CDH13: variants seen among roughly 807,000 people sequenced by gnomAD.
CDH13 encodes cadherin 13.
A neutral mutation model predicts 63.8 loss-of-function variants in CDH13; 24 were observed. The ratio of observed to expected loss-of-function variants is 0.38; its 90% confidence interval spans 0.27 to 0.53. CDH13 has a LOEUF of 0.53. Ranked by LOEUF, CDH13 falls within the 20% of genes least tolerant of loss-of-function variation. CDH13 has a pLI of 0.85. For missense variants in CDH13, 1,049 were observed against 903.1 expected (o/e 1.16, Z -2.07); for synonymous variants, 503 against 355.3 (o/e 1.42, Z -4.67).
At chr16:83,166,026 G>A (rs1051931997) in intron 4 of CDH13, among the ~76,000 whole-genome samples, 1 of 152,248 alleles carries the variant, frequency 6.6e-6, no homozygotes, top group Admixed American at 6.5e-5. Context: ...AAGTGGAGAT[G>A]TGCATTGTTT....
rs117395214 is a variant in CDH13 at position 82,662,131 on chromosome 16, C to T, written c.45+34994C>T. 4.3e-3 allele frequency among the ~76,000 whole-genome samples: 644 copies of T among 150,270 alleles called. 6 individuals carry two copies. Among genetic ancestry groups the T allele is most frequent in the Middle Eastern group, 0.024 (7 of 286 alleles). ...TAGAATGGAGTATTCTCCATATTCT[C>T]AATGAAGTAAATGCAGATATTCTGG... On this transcript the variant is annotated intron_variant, in intron 1 of 13. Transcript: ENST00000567109.
chr16:83,002,627 G>A (rs1913059042), intron 2 of CDH13, among the ~76,000 whole-genome samples: 1 of 152,206 alleles, frequency 6.6e-6, no homozygotes, highest in African/African-American at 2.4e-5. Flanking sequence ...ATTCAATGTT[G>A]GGTTGTGATC....
intron 8 of CDH13, among the ~76,000 whole-genome samples, chr16:83,663,820 C>T (rs139195745): frequency 1.5e-3 from 234 of 152,190 alleles, no homozygotes; most frequent in Middle Eastern, 3.4e-3. Context: ...GACACCACTC[C>T]GCATCTTCAA....
At position 83,272,976 on chromosome 16, in the gene CDH13, A is replaced by G. The variant is rs959225124; in HGVS notation, c.636+55479A>G. ...TAGTACAGTGAGCTCGGTAAGCACA[A>G]TCTGCTCAGATAACCCAATCTGCAG... On this transcript the variant is annotated intron_variant, in intron 5 of 13. Transcript: ENST00000567109. 1.0e-3 allele frequency among the ~76,000 whole-genome samples: 154 copies of G among 151,998 alleles called. 3 individuals carry two copies. The highest frequency in any genetic ancestry group is 3.6e-3 in the African/African-American group (151 of 41,412).
chr16:83,428,361 C>G (rs2071981918), intron 6 of CDH13, among the ~76,000 whole-genome samples: 1 of 140,332 alleles, frequency 7.1e-6, no homozygotes, highest in African/African-American at 2.7e-5. Context: ...GTTTGACCTC[C>G]ATGGTTAGAT....
chr16:82,785,685 C>G (rs527508283), intron 1 of CDH13, among the ~76,000 whole-genome samples: 1 of 152,208 alleles, frequency 6.6e-6, no homozygotes, highest in African/African-American at 2.4e-5. Context: ...AGGACAATTT[C>G]TTTCCTTTCT....
intron 4 of CDH13, among the ~76,000 whole-genome samples, chr16:83,217,121 T>A (rs544588268): frequency 3.3e-5 from 5 of 152,348 alleles, no homozygotes; most frequent in Admixed American, 1.3e-4. Context: ...ACCCGAGTGC[T>A]GGTAAGCTTC....
intron 8 of CDH13, among the ~76,000 whole-genome samples, chr16:83,617,106 C>G (rs1909348394): frequency 1.3e-5 from 2 of 152,188 alleles, no homozygotes; most frequent in Non-Finnish European, 2.9e-5. Flanking sequence ...CTTGTGGACT[C>G]ACAACCCCTC....
At chr16:83,351,657 T>C (rs2090954078) in intron 6 of CDH13, among the ~76,000 whole-genome samples, 2 of 152,246 alleles carry the variant, frequency 1.3e-5, no homozygotes, top group Admixed American at 1.3e-4. Context: ...TTCACTTTTC[T>C]ACACTTCCAT....
intron 8 of CDH13, among the ~76,000 whole-genome samples, chr16:83,636,098 T>TA (rs56081056): frequency 6.1e-4 from 90 of 147,678 alleles, no homozygotes; most frequent in South Asian, 2.0e-3. Flanking sequence ...TCCCCTTGAT[T>TA]AAAAAAAAAA....
At chr16:83,382,025 C>G (rs1327150337) in intron 6 of CDH13, among the ~76,000 whole-genome samples, 1 of 152,198 alleles carries the variant, frequency 6.6e-6, no homozygotes, top group Non-Finnish European at 1.5e-5. Context: ...GACCTAACGG[C>G]TTAGAGCATG....
chr16:83,168,425 G>A (rs1324903701), intron 4 of CDH13, among the ~76,000 whole-genome samples: 1 of 151,846 alleles, frequency 6.6e-6, no homozygotes, highest in Non-Finnish European at 1.5e-5. Context: ...AGCAGAAGCA[G>A]TTTGCCAAAT....
chr16:83,253,951 C>A, intron 5 of CDH13, among the ~76,000 whole-genome samples: 1 of 152,142 alleles, frequency 6.6e-6, no homozygotes, highest in East Asian at 1.9e-4. Context: ...CAAACTCTTG[C>A]AGTCATAACC....
chr16:83,696,168 G>T (rs1905375093), intron 10 of CDH13, among the ~76,000 whole-genome samples: 1 of 152,208 alleles, frequency 6.6e-6, no homozygotes, highest in African/African-American at 2.4e-5. Context: ...TGGGATTACA[G>T]ACGTGAGCCA....
chr16:83,060,820 G>T (rs117466298), intron 3 of CDH13, among the ~76,000 whole-genome samples: 1 of 152,166 alleles, frequency 6.6e-6, no homozygotes, highest in African/African-American at 2.4e-5. Context: ...CTTGCTTTCA[G>T]CTGGGACACT....
intron 1 of CDH13, among the ~76,000 whole-genome samples, chr16:82,845,743 C>T (rs912771997): frequency 3.3e-5 from 5 of 152,182 alleles, no homozygotes; most frequent in Non-Finnish European, 2.9e-5. Context: ...TATTATATGG[C>T]ATTCGACATC....
chr16:83,431,688 G>A (rs2072114381), intron 6 of CDH13, among the ~76,000 whole-genome samples: 1 of 152,116 alleles, frequency 6.6e-6, no homozygotes, highest in African/African-American at 2.4e-5. Flanking sequence ...GCAAAAGAGA[G>A]CAAGAGGGGA....
intron 2 of CDH13, among the ~76,000 whole-genome samples, chr16:82,920,124 G>A (rs545838025): frequency 6.6e-6 from 1 of 152,294 alleles, no homozygotes; most frequent in Non-Finnish European, 1.5e-5. Flanking sequence ...AGAAGTCCAT[G>A]AATAGGGCTG....
chr16:83,070,176 C>A (rs2032328038), intron 3 of CDH13, among the ~76,000 whole-genome samples: 1 of 152,146 alleles, frequency 6.6e-6, no homozygotes, highest in Non-Finnish European at 1.5e-5. Flanking sequence ...GCTTTCTTTG[C>A]TTCTAGAGAA....
Sources: allele counts gnomAD v4.1 joint callset (sites outside exome capture counted in the v4.1 genomes callset), GRCh38; gene constraint gnomAD v4.1.1; transcripts MANE v1.5; gene names NCBI Gene and HGNC (gene_info 2026-07-23, HGNC 2026-07-21).